Variants in SORCS1 observed in about 807,000 individuals in gnomAD.
SORCS1 encodes sortilin related VPS10 domain containing receptor 1.
Under a neutral mutation model 146.1 loss-of-function variants are expected in SORCS1, and 60 were observed. The observed-to-expected ratio is 0.41, with a 90% CI of 0.33 to 0.51. The LOEUF (loss-of-function observed/expected upper bound fraction) is 0.51. Ranked by LOEUF, SORCS1 falls within the 20% of genes least tolerant of loss-of-function variation. The probability of loss-of-function intolerance (pLI) is 0.21; values close to 1 mark genes in which losing one functional copy is unlikely to be tolerated. For synonymous variants in SORCS1, 637 were observed against 584.0 expected (o/e 1.09, Z -1.31); for missense variants, 1,352 against 1,487.6 (o/e 0.91, Z 1.50).
chr10:106,734,160 C>G (rs1276131444), intron 5 of SORCS1, among the ~76,000 whole-genome samples: 1 of 152,108 alleles, frequency 6.6e-6, no homozygotes, highest in East Asian at 1.9e-4. Flanking sequence ...GTAGATGTAT[C>G]TTGTGTACCT....
At chr10:107,102,423 A>G (rs1429871371) in intron 1 of SORCS1, among the ~76,000 whole-genome samples, 2 of 152,198 alleles carry the variant, frequency 1.3e-5, no homozygotes, top group Non-Finnish European at 2.9e-5. Flanking sequence ...GGATATAAAG[A>G]ACAAACAAGT....
At chr10:106,702,079 T>G (rs1381849004) in intron 8 of SORCS1, among the ~76,000 whole-genome samples, 1 of 152,214 alleles carries the variant, frequency 6.6e-6, no homozygotes, top group African/African-American at 2.4e-5. Flanking sequence ...AAAATAAAAT[T>G]TAAAATTCTT....
chr10:106,596,794 GATAA>G (rs1280182353), intron 24 of SORCS1, among the ~76,000 whole-genome samples: 17 of 152,282 alleles, frequency 1.1e-4, no homozygotes, highest in Non-Finnish European at 1.9e-4. Context: ...TTTCTGATGA[GATAA>G]ATAAAGCATG....
intron 2 of SORCS1, among the ~76,000 whole-genome samples, chr10:106,917,562 C>A (rs908557954): frequency 1.3e-5 from 2 of 152,176 alleles, no homozygotes; most frequent in African/African-American, 4.8e-5. Flanking sequence ...GCAGTACATG[C>A]CCCGTGTACT....
intron 2 of SORCS1, among the ~76,000 whole-genome samples, chr10:106,948,509 CA>C (rs1161332107): frequency 6.6e-6 from 1 of 151,714 alleles, no homozygotes; most frequent in African/African-American, 2.4e-5. Context: ...CCCATCTCTA[CA>C]AAAAAATTTA....
In SORCS1 at chr10:106,751,058, C is replaced by CAAAAAAAAAAAAAAAAAAAA. The variant is rs35691571; in HGVS notation, c.959+10510_959+10529dup. 3.1e-4 allele frequency among the ~76,000 whole-genome samples: 7 copies of CAAAAAAAAAAAAAAAAAAAA among 22,444 alleles called. 2 individuals carry two copies. The highest frequency in any genetic ancestry group is 8.9e-4 in the African/African-American group (7 of 7,878). The allele number at this position is 22,444 out of a possible 152,430, so 14.7% of individuals were successfully genotyped here. On this transcript the variant is annotated intron_variant, in intron 5 of 25. Transcript: ENST00000263054. Reference sequence around the variant, plus strand: ...TGGGCGACAGGGTGAGACTCCGTCTCAAAAAAAAAAAAAAAAAAAAAAAAA... The same window carrying CAAAAAAAAAAAAAAAAAAAA: ...TGGGCGACAGGGTGAGACTCCGTCTCAAAAAAAAAAAAAAAAAAAAAAAAAAAAAAAAAAAAAAAAAAAAA...
chr10:106,613,198 C>T (rs567406324), intron 21 of SORCS1, among the ~76,000 whole-genome samples: 1 of 152,202 alleles, frequency 6.6e-6, no homozygotes, highest in East Asian at 1.9e-4. Context: ...TCTTCATTGT[C>T]TCTGTAGCAC....
At chr10:107,096,143 A>G (rs1264928123) in intron 1 of SORCS1, among the ~76,000 whole-genome samples, 3 of 152,218 alleles carry the variant, frequency 2.0e-5, no homozygotes. Context: ...CATTTTATCC[A>G]GTGTTTGCAG....
At chr10:107,176,713 C>G in the SORCS1 span, among the ~76,000 whole-genome samples, 1 of 152,088 alleles carries the variant, frequency 6.6e-6, no homozygotes, top group African/African-American at 2.4e-5. Context: ...TGTACAAATT[C>G]AATTATTTGA....
chr10:107,133,179 G>T (rs899627610), intron 1 of SORCS1, among the ~76,000 whole-genome samples: 1 of 152,186 alleles, frequency 6.6e-6, no homozygotes, highest in East Asian at 1.9e-4. Flanking sequence ...GAGCTTGAAG[G>T]CTCCTGCAGA....
chr10:107,037,391 A>G (rs1168825627), intron 1 of SORCS1, among the ~76,000 whole-genome samples: 1 of 152,200 alleles, frequency 6.6e-6, no homozygotes, highest in Non-Finnish European at 1.5e-5. Flanking sequence ...CCTGGGGAGG[A>G]GCAGTAGGCC....
intron 17 of SORCS1, among the ~76,000 whole-genome samples, chr10:106,658,275 C>T (rs553229508): frequency 6.7e-4 from 102 of 151,752 alleles, no homozygotes; most frequent in African/African-American, 2.4e-3. Flanking sequence ...TCATTCTGCC[C>T]GGGATGCTCT....
At position 107,092,950 on chromosome 10, in the gene SORCS1, A is replaced by G. The variant is rs183486961; in HGVS notation, c.558+71019T>C. Among the ~76,000 whole-genome samples, 3 of 151,366 alleles carry G rather than the reference A, an allele frequency of 2.0e-5. 1 individual carries two copies. Among genetic ancestry groups the G allele is most frequent in the Admixed American group, 1.3e-4 (2 of 15,196 alleles). ...CCAACTTTTCTCAAGTTCAATAAGG[A>G]AAGAAACCATAGCAATAATAATGCC... On this transcript the variant is annotated intron_variant, in intron 1 of 25. Transcript: ENST00000263054.
chr10:106,677,231 G>C, intron 13 of SORCS1, 82 bp downstream of exon 13: 1 of 1,286,276 alleles, frequency 7.8e-7, no homozygotes, highest in Non-Finnish European at 1.1e-6. Flanking sequence ...AAACAGACAC[G>C]GTTTGATAGC....
intron 8 of SORCS1, among the ~76,000 whole-genome samples, chr10:106,704,171 A>ATGAT (rs1854338095): frequency 6.6e-6 from 1 of 152,194 alleles, no homozygotes; most frequent in Admixed American, 6.5e-5. Context: ...ATTTTAAACT[A>ATGAT]TGATTTCTGG....
chr10:107,023,868 G>A (rs189630469), intron 1 of SORCS1, among the ~76,000 whole-genome samples: 131 of 152,140 alleles, frequency 8.6e-4, no homozygotes, highest in African/African-American at 2.9e-3. Flanking sequence ...GTTTATTTGT[G>A]TTGCTCTAAA....
At chr10:107,169,138 A>G (rs1167749343), upstream of SORCS1, among the ~76,000 whole-genome samples, 1 of 152,106 alleles carries the variant, frequency 6.6e-6, no homozygotes, top group African/African-American at 2.4e-5. Flanking sequence ...AAGTCTCTTG[A>G]TTTTTGATGG....
chr10:106,838,356 C>A (rs1056985756), intron 2 of SORCS1, among the ~76,000 whole-genome samples: 2 of 152,218 alleles, frequency 1.3e-5, no homozygotes, highest in African/African-American at 4.8e-5. Context: ...CATCCCTACA[C>A]ATGCATAGCT....
intron 2 of SORCS1, among the ~76,000 whole-genome samples, chr10:106,909,370 G>A (rs910202188): frequency 2.0e-5 from 3 of 146,802 alleles, no homozygotes; most frequent in Admixed American, 7.0e-5. Context: ...AGAGTGGAAG[G>A]AGAATACAAA....
Sources: allele counts gnomAD v4.1 joint callset (sites outside exome capture counted in the v4.1 genomes callset), GRCh38; gene constraint gnomAD v4.1.1; transcripts MANE v1.5; gene names NCBI Gene and HGNC (gene_info 2026-07-23, HGNC 2026-07-21).